The following PTPRN2 variants were observed in gnomAD, a reference collection of about 807,000 sequenced individuals.
The protein encoded by PTPRN2 is receptor-type tyrosine-protein phosphatase N2.
PTPRN2 carries 74 observed loss-of-function variants against 118.8 expected under a neutral mutation model. The observed-to-expected ratio is 0.62, with a 90% CI of 0.52 to 0.76. The LOEUF is 0.76. PTPRN2 is among the 30% of genes least tolerant of loss of function. PTPRN2 has a pLI of 0.00. For synonymous variants in PTPRN2, 641 were observed against 608.0 expected (o/e 1.05, Z -0.80); for missense variants, 1,481 against 1,394.4 (o/e 1.06, Z -0.99).
At chr7:158,515,781 C>T (rs1823509567) in intron 1 of PTPRN2, among the ~76,000 whole-genome samples, 1 of 152,164 alleles carries the variant, frequency 6.6e-6, no homozygotes, top group East Asian at 1.9e-4. Flanking sequence ...CACTGAAATA[C>T]CAGCGTCTAC....
chr7:158,147,706 C>G (rs1820297289), intron 6 of PTPRN2, among the ~76,000 whole-genome samples: 1 of 147,230 alleles, frequency 6.8e-6, no homozygotes, highest in Non-Finnish European at 1.5e-5. Context: ...ACACGTCTTT[C>G]CCCCTCACTG....
intron 12 of PTPRN2, among the ~76,000 whole-genome samples, chr7:157,805,289 C>CTGTGTG (rs57161533): frequency 0.036 from 5,366 of 148,710 alleles, 119 homozygotes; most frequent in Middle Eastern, 0.061. Flanking sequence ...ATATATACTC[C>CTGTGTG]TGTGTGTGTG....
intron 14 of PTPRN2, among the ~76,000 whole-genome samples, chr7:157,624,660 T>C (rs1359459439): frequency 1.3e-5 from 2 of 152,330 alleles, no homozygotes; most frequent in South Asian, 2.1e-4. Context: ...TTAATGCGTG[T>C]TGCTTCTGCA....
At chr7:158,147,710 C>T (rs1353009539) in intron 6 of PTPRN2, among the ~76,000 whole-genome samples, 5 of 145,166 alleles carry the variant, frequency 3.4e-5, no homozygotes, top group Admixed American at 6.7e-5. Flanking sequence ...GTCTTTCCCC[C>T]TCACTGACAC....
At chr7:157,758,302 T>C (rs570612079) in intron 12 of PTPRN2, among the ~76,000 whole-genome samples, 5 of 152,360 alleles carry the variant, frequency 3.3e-5, no homozygotes, top group African/African-American at 4.8e-5. Flanking sequence ...CCCCGTGGCC[T>C]GCACGCTCCT....
chr7:158,171,918 A>G (rs1823735890), intron 5 of PTPRN2, among the ~76,000 whole-genome samples: 1 of 152,212 alleles, frequency 6.6e-6, no homozygotes, highest in African/African-American at 2.4e-5. Flanking sequence ...ACTAATTTCC[A>G]GTACAGGCGA....
At position 158,249,530 on chromosome 7, in the gene PTPRN2, C is replaced by T. The variant is rs1313027057; in HGVS notation, c.278-44257G>A. 2.0e-5 allele frequency among the ~76,000 whole-genome samples: 3 copies of T among 149,904 alleles called. No homozygotes were observed. The East Asian group carries it at 6.0e-4, about 30-fold the overall frequency. On this transcript the variant is annotated intron_variant, in intron 3 of 22. Coordinates refer to ENST00000389418, the MANE Select transcript of PTPRN2 (RefSeq NM_002847.5). ...ATGCATCACACACATGCACACCATACATGCATACATACACATATCTACCAC... is the reference window on the plus strand; with the variant it reads ...ATGCATCACACACATGCACACCATATATGCATACATACACATATCTACCAC...
At position 157,811,127 on chromosome 7, in the gene PTPRN2, C is replaced by T. The variant is rs534241272; in HGVS notation, c.1788+87546G>A. Among the ~76,000 whole-genome samples the T allele has an allele frequency of 3.9e-3, 596 of 151,462 alleles. 3 individuals are homozygous for T. The highest frequency in any genetic ancestry group is 0.013 in the African/African-American group (540 of 41,240). On this transcript the variant is annotated intron_variant, in intron 12 of 22. Transcript: ENST00000389418. ...TCTACTAAAAACACAAAAAATTAGC[C>T]GGGCGTGGTGGCGGGCACCTGTAGT...
intron 9 of PTPRN2, among the ~76,000 whole-genome samples, chr7:158,129,949 G>A (rs913190866): frequency 1.3e-5 from 2 of 152,202 alleles, no homozygotes; most frequent in Non-Finnish European, 2.9e-5. Context: ...CCTGACTTAT[G>A]TAAAGCAGTC....
At position 157,674,755 on chromosome 7, in the gene PTPRN2, G is replaced by C. The variant is rs1385900187; in HGVS notation, c.2001+7970C>G. ...GCAGGTACCTCTGTACACGCCTGTG[G>C]AGTCCCACCCTGTCGTGTGCACGAG... On this transcript the variant is annotated intron_variant, in intron 13 of 22. Coordinates refer to ENST00000389418, the MANE Select transcript of PTPRN2 (RefSeq NM_002847.5). This position sits in a 1 kb window ranked among gnomAD's most constrained non-coding sequence, Gnocchi z 4.5. Among the ~76,000 whole-genome samples the C allele has an allele frequency of 6.6e-6, 1 of 152,266 alleles. No individual in the cohort carries two copies. The highest frequency in any genetic ancestry group is 2.4e-5 in the African/African-American group (1 of 41,478).
intron 11 of PTPRN2, among the ~76,000 whole-genome samples, chr7:158,040,353 A>C (rs73171529): frequency 0.028 from 4,285 of 152,090 alleles, 84 homozygotes; most frequent in Non-Finnish European, 0.043. Context: ...ACACACATGC[A>C]TATACACATG....
At chr7:157,951,433 T>C (rs533886079) in intron 11 of PTPRN2, among the ~76,000 whole-genome samples, 10 of 152,132 alleles carry the variant, frequency 6.6e-5, no homozygotes, top group Non-Finnish European at 1.2e-4. Context: ...ATCTTCCCTA[T>C]TGGCACCTTC....
chr7:158,586,028 C>T (rs969234225), intron 1 of PTPRN2, among the ~76,000 whole-genome samples: 1 of 152,218 alleles, frequency 6.6e-6, no homozygotes, highest in Non-Finnish European at 1.5e-5. Context: ...GCAGGACTCC[C>T]CCGTGCTCCA....
At chr7:157,792,491 G>A (rs569948069) in intron 12 of PTPRN2, among the ~76,000 whole-genome samples, 7 of 152,338 alleles carry the variant, frequency 4.6e-5, no homozygotes, top group African/African-American at 1.7e-4. Context: ...GCTGCCTTCA[G>A]CTCGAGGGTG....
intron 1 of PTPRN2, among the ~76,000 whole-genome samples, chr7:158,490,404 G>A (rs1821361609): frequency 6.6e-6 from 1 of 152,202 alleles, no homozygotes; most frequent in Admixed American, 6.5e-5. Context: ...CAGAGGCAGC[G>A]CCTCAGTCCC....
chr7:157,792,494 C>G (rs76321853), intron 12 of PTPRN2, among the ~76,000 whole-genome samples: 2 of 152,190 alleles, frequency 1.3e-5, no homozygotes, highest in Non-Finnish European at 2.9e-5. Flanking sequence ...GCCTTCAGCT[C>G]GAGGGTGTGT....
At chr7:158,246,902 G>C (rs1313275222) in intron 3 of PTPRN2, among the ~76,000 whole-genome samples, 1 of 152,018 alleles carries the variant, frequency 6.6e-6, no homozygotes, top group Non-Finnish European at 1.5e-5. Flanking sequence ...GACTGAGAGG[G>C]GCTACACCAG....
intron 3 of PTPRN2, among the ~76,000 whole-genome samples, chr7:158,302,742 A>AAG (rs1444351000): frequency 6.6e-6 from 1 of 152,262 alleles, no homozygotes; most frequent in Non-Finnish European, 1.5e-5. Context: ...ATCAATGCTC[A>AAG]GAGCACAGCC....
chr7:158,147,520 C>T (rs1820249428), intron 6 of PTPRN2, among the ~76,000 whole-genome samples: 1 of 128,950 alleles, frequency 7.8e-6, no homozygotes, highest in African/African-American at 3.2e-5. Flanking sequence ...GTCTTTCCCC[C>T]TCACTGACAC....
Sources: gnomAD v4.1 joint callset for allele counts (sites outside exome capture counted in the v4.1 genomes callset) on GRCh38, gnomAD v4.1.1 for gene constraint, Gnocchi (gnomAD v3.1) non-coding constraint, MANE v1.5 for transcripts, NCBI Gene and HGNC (gene_info 2026-07-23, HGNC 2026-07-21) for gene names.